The following ABCG2 variants were observed in gnomAD, a reference collection of about 807,000 sequenced individuals.
The protein encoded by ABCG2 is broad substrate specificity ATP-binding cassette transporter ABCG2.
A neutral mutation model predicts 73.5 loss-of-function variants in ABCG2; 80 were observed. That is an observed-to-expected ratio of 1.09 (90% CI 0.91 to 1.31). The LOEUF is 1.31. Ranked by LOEUF, ABCG2 falls within the 50% of genes most tolerant of loss-of-function variation. The pLI is 0.00. For synonymous variants in ABCG2, 269 were observed against 282.4 expected, an observed-to-expected ratio of 0.95 and a Z score of 0.48; for missense variants, 796 against 786.2, an observed-to-expected ratio of 1.01 and a Z score of -0.15.
Position 88,095,507 on chromosome 4 carries a change from A to G in ABCG2, c.1737+13T>C. ...TGGGAATGCAGTCACAGTGACAGAC[A>G]AGGAAGACATACCGTAAATCCATAT... On this transcript the variant is annotated intron_variant, in intron 14 of 15. Transcript: ENST00000237612. 1 of 1,605,636 alleles carries G rather than the reference A, an allele frequency of 6.2e-7. No homozygotes were observed. The highest frequency in any genetic ancestry group is 8.5e-7 in the Non-Finnish European group (1 of 1,172,478).
At chr4:88,185,117 C>T (rs182613917) in intron 1 of ABCG2, among the ~76,000 whole-genome samples, 90 of 152,270 alleles carry the variant, frequency 5.9e-4, no homozygotes, top group African/African-American at 2.0e-3. Flanking sequence ...AATCCCTACA[C>T]TTTGGGAGGT....
At chr4:88,118,394 T>C in intron 6 of ABCG2, 134 bp from the exon 7 acceptor site, 1 of 913,480 alleles carries the variant, frequency 1.1e-6, no homozygotes, top group Non-Finnish European at 1.6e-6. Flanking sequence ...TTTCATCTCA[T>C]ATTATTTAGC....
chr4:88,128,521 C>A (rs1336510878), intron 5 of ABCG2, among the ~76,000 whole-genome samples: 1 of 152,118 alleles, frequency 6.6e-6, no homozygotes, highest in African/African-American at 2.4e-5. Context: ...TGGAACCAAC[C>A]CAAATGCCCA....
At chr4:88,187,490 C>G (rs183863714) in intron 1 of ABCG2, among the ~76,000 whole-genome samples, 2 of 151,556 alleles carry the variant, frequency 1.3e-5, no homozygotes, top group East Asian at 3.9e-4. Context: ...GTGGGTGCCT[C>G]TAATCCCAGC....
chr4:88,195,180 G>A (rs949616495), intron 1 of ABCG2, among the ~76,000 whole-genome samples: 5 of 152,158 alleles, frequency 3.3e-5, no homozygotes, highest in Admixed American at 6.5e-5. Context: ...GCTGCAGTGA[G>A]CTGTGATGGC....
At chr4:88,117,582 A>G (rs1243183415) in intron 7 of ABCG2, among the ~76,000 whole-genome samples, 4 of 152,182 alleles carry the variant, frequency 2.6e-5, no homozygotes, top group Admixed American at 2.6e-4. Context: ...GCTTGCAGTG[A>G]GCCAAGATCA....
intron 1 of ABCG2, among the ~76,000 whole-genome samples, chr4:88,196,781 A>C (rs1208352656): frequency 6.9e-6 from 1 of 145,776 alleles, no homozygotes; most frequent in East Asian, 2.1e-4. Context: ...TACACTGAAG[A>C]TTACCAAAAA....
chr4:88,219,525 A>G (rs991913642), intron 1 of ABCG2, among the ~76,000 whole-genome samples: 1 of 140,778 alleles, frequency 7.1e-6, no homozygotes, highest in Admixed American at 7.3e-5. Flanking sequence ...GAGTTGTTTT[A>G]TTTTCTTCTA....
At position 88,101,304 on chromosome 4, in the gene ABCG2, G is replaced by C; in HGVS notation, c.1293C>G (p.Phe431Leu). Residue 431 changes from phenylalanine to leucine, a missense_variant, in exon 11 of 16, where the codon TTC (phenylalanine) becomes TTG (leucine). Phe to Leu is a conservative substitution (Grantham distance 22, BLOSUM62 0). Transcript: ENST00000237612. ...TGAAACACTGGTTGGTCGTCAGGAA[G>C]AAGAGAACCCCAGCTCTGCCATGAA... ...TGIQNRAGVL[F>L]FLTTNQCFSS... 1 of 1,614,128 alleles carries C rather than the reference G, an allele frequency of 6.2e-7. No homozygotes were observed.
intron 5 of ABCG2, among the ~76,000 whole-genome samples, chr4:88,129,754 T>C (rs923699076): frequency 2.0e-5 from 3 of 152,214 alleles, no homozygotes; most frequent in Non-Finnish European, 4.4e-5. Context: ...GATTACACTA[T>C]AGCCATTACA....
At position 88,090,825 on chromosome 4, in the gene ABCG2, T is replaced by C. The variant is rs899437173; in HGVS notation, c.*1409A>G. 5.3e-5 allele frequency: 8 copies of C among 152,254 alleles called. No individual in the cohort carries two copies. The highest frequency in any genetic ancestry group is 1.9e-4 in the African/African-American group (8 of 41,470). The allele number at this position is 152,254 out of a possible 1,614,324, so 9.4% of individuals were successfully genotyped here. A position where few individuals can be genotyped will look rare whatever the true frequency, so the allele number is the denominator to read the frequency against. On this transcript the variant is annotated 3_prime_UTR_variant, in exon 16 of 16. Coordinates refer to ENST00000237612, the MANE Select transcript of ABCG2 (RefSeq NM_004827.3). The stretch of plus-strand genomic sequence containing the variant: ...TTGTGTGCAGTTTAATTAACAGTGA[T>C]TGTACCAATGTTAACTTGTTAGCTT...
chr4:88,094,716 C>A (rs1721871750), intron 14 of ABCG2, 57 bp from the exon 15 acceptor site: 2 of 1,346,466 alleles, frequency 1.5e-6, no homozygotes, highest in Non-Finnish European at 2.1e-6. Flanking sequence ...AAGAAGTTTC[C>A]AAAGAGTTAT....
chr4:88,104,576 G>C (rs982042519), intron 10 of ABCG2, among the ~76,000 whole-genome samples: 9 of 152,094 alleles, frequency 5.9e-5, no homozygotes, highest in Admixed American at 1.3e-4. Context: ...CAAAGTGATG[G>C]ATTGATAGGT....
intron 11 of ABCG2, among the ~76,000 whole-genome samples, chr4:88,100,013 T>C (rs1388844064): frequency 6.6e-6 from 1 of 152,036 alleles, no homozygotes; most frequent in African/African-American, 2.4e-5. Flanking sequence ...AACTACCAAA[T>C]TGTAATCTTT....
At chr4:88,171,171 C>T (rs944846031) in intron 1 of ABCG2, among the ~76,000 whole-genome samples, 19 of 151,108 alleles carry the variant, frequency 1.3e-4, no homozygotes, top group African/African-American at 4.6e-4. Flanking sequence ...GGGTACTGGG[C>T]TTAATACCTG....
chr4:88,208,325 G>C (rs985435244), intron 1 of ABCG2, among the ~76,000 whole-genome samples: 8 of 152,180 alleles, frequency 5.3e-5, no homozygotes, highest in African/African-American at 1.9e-4. Flanking sequence ...AAGCTATAGG[G>C]AGAGTCGGAG....
intron 1 of ABCG2, among the ~76,000 whole-genome samples, chr4:88,199,842 A>G (rs1729083681): frequency 6.6e-6 from 1 of 151,922 alleles, no homozygotes; most frequent in African/African-American, 2.4e-5. Context: ...TACTAAAAAT[A>G]CAAAAAAGAT....
intron 12 of ABCG2, among the ~76,000 whole-genome samples, chr4:88,098,642 G>A (rs202065930): frequency 1.7e-5 from 1 of 57,386 alleles, no homozygotes; most frequent in Admixed American, 1.8e-4. Context: ...AGAGAGACAG[G>A]GAGAGATAGA....
upstream of ABCG2, chr4:88,159,010 C>T (rs61535534): frequency 5.4e-6 from 2 of 368,230 alleles, no homozygotes; most frequent in South Asian, 3.9e-5. Context: ...GCCCTGCGAC[C>T]CGGCTGAAAG....
Sources: gnomAD v4.1 joint callset for allele counts (sites outside exome capture counted in the v4.1 genomes callset) on GRCh38, gnomAD v4.1.1 for gene constraint, MANE v1.5 for transcripts, NCBI Gene and HGNC (gene_info 2026-07-23, HGNC 2026-07-21) for gene names.